PSD3: variants seen among roughly 807,000 people sequenced by gnomAD.
PSD3 encodes PH and SEC7 domain-containing protein 3.
In PSD3, 49 loss-of-function variants were observed where a neutral mutation model predicts 105.5. The observed-to-expected ratio is 0.46, with a 90% CI of 0.37 to 0.59. PSD3 has a LOEUF of 0.59. Ranked by LOEUF, PSD3 falls within the 20% of genes least tolerant of loss-of-function variation. The pLI, the probability that PSD3 is intolerant of heterozygous loss-of-function variation, is 0.00. For synonymous variants in PSD3, 557 were observed against 457.8 expected (o/e 1.22, Z -2.77); for missense variants, 1,561 against 1,263.8 (o/e 1.24, Z -3.57).
intron 15 of PSD3, among the ~76,000 whole-genome samples, chr8:18,537,016 C>G (rs1034397644): frequency 6.6e-6 from 1 of 152,164 alleles, no homozygotes; most frequent in African/African-American, 2.4e-5. Context: ...TTTTTCTAGT[C>G]AGATTGGGGT....
intron 1 of PSD3, among the ~76,000 whole-genome samples, chr8:19,066,244 A>G (rs10282800): frequency 0.018 from 2,672 of 152,330 alleles, 83 homozygotes; most frequent in African/African-American, 0.06. Context: ...ATCATTACAG[A>G]GTTTTATAAC....
intron 11 of PSD3, among the ~76,000 whole-genome samples, chr8:18,605,177 C>T (rs1804727611): frequency 6.6e-6 from 1 of 152,206 alleles, no homozygotes; most frequent in South Asian, 2.1e-4. Context: ...CGAAGGCAGT[C>T]AATGCCATCC....
At chr8:18,806,459 G>A (rs1811208637) in intron 4 of PSD3, among the ~76,000 whole-genome samples, 1 of 152,158 alleles carries the variant, frequency 6.6e-6, no homozygotes, top group South Asian at 2.1e-4. Context: ...AAACTAATGA[G>A]GATACATTAA....
chr8:18,593,161 G>T (rs1214753913), intron 12 of PSD3, among the ~76,000 whole-genome samples: 1 of 152,018 alleles, frequency 6.6e-6, no homozygotes, highest in Admixed American at 6.6e-5. Flanking sequence ...CACAGCAAAA[G>T]AAACTACCAT....
rs371473289 is a variant in PSD3 at position 18,828,067 on chromosome 8, A to ATATATATATATATATATAT, written c.1635-23170_1635-23169insATATATATATATATATATA. Among the ~76,000 whole-genome samples, 169 of 118,834 alleles carry ATATATATATATATATATAT rather than the reference A, an allele frequency of 1.4e-3. 1 individual carries two copies. Among genetic ancestry groups the ATATATATATATATATATAT allele is most frequent in the African/African-American group, 5.6e-3 (159 of 28,394 alleles). The allele number at this position is 118,834 out of a possible 152,430, so 78.0% of individuals were successfully genotyped here. ...TATATGTATATATATATATATATATATTTTTTTTTTTTTACAAAAAAAATG... is the reference window on the plus strand; with the variant it reads ...TATATGTATATATATATATATATATATATATATATATATATATATTTTTTTTTTTTTTACAAAAAAAATG... On this transcript the variant is annotated intron_variant, in intron 4 of 15. Transcript: ENST00000327040.
chr8:19,011,712 T>A (rs1019603707), intron 1 of PSD3, among the ~76,000 whole-genome samples: 2 of 152,076 alleles, frequency 1.3e-5, no homozygotes, highest in Non-Finnish European at 2.9e-5. Flanking sequence ...TCAACAAAAC[T>A]TTCTTTAAAG....
At chr8:18,884,627 A>AT (rs891209122) in intron 2 of PSD3, among the ~76,000 whole-genome samples, 5 of 142,112 alleles carry the variant, frequency 3.5e-5, no homozygotes, top group African/African-American at 1.4e-4. Context: ...TAGGAAAAAA[A>AT]TAAAAAAAAA....
At chr8:18,842,237 CTA>C (rs1322131889) in intron 4 of PSD3, among the ~76,000 whole-genome samples, 2 of 152,250 alleles carry the variant, frequency 1.3e-5, no homozygotes, top group African/African-American at 4.8e-5. Context: ...TGCGACATCA[CTA>C]TGTGAATTCC....
At chr8:18,988,012 A>T (rs1259277957) in intron 1 of PSD3, among the ~76,000 whole-genome samples, 4 of 147,932 alleles carry the variant, frequency 2.7e-5, no homozygotes, top group Admixed American at 6.8e-5. Flanking sequence ...ACCGAACAAA[A>T]CAAAGCCCTT....
intron 4 of PSD3, among the ~76,000 whole-genome samples, chr8:18,860,649 T>G (rs1816371507): frequency 6.6e-6 from 1 of 152,100 alleles, no homozygotes; most frequent in Admixed American, 6.5e-5. Flanking sequence ...AGAGAACAAT[T>G]TACTCAAGAA....
intron 12 of PSD3, among the ~76,000 whole-genome samples, chr8:18,580,637 G>A (rs543202296): frequency 1.3e-5 from 2 of 152,030 alleles, no homozygotes; most frequent in African/African-American, 2.4e-5. Flanking sequence ...TCTCTCTTCC[G>A]AGTAAGCCAG....
chr8:18,580,383 G>C (rs771338496), intron 12 of PSD3, among the ~76,000 whole-genome samples: 2 of 151,952 alleles, frequency 1.3e-5, no homozygotes, highest in African/African-American at 4.8e-5. Flanking sequence ...CCCCTGATGC[G>C]ACCCAGTAAA....
intron 15 of PSD3, among the ~76,000 whole-genome samples, chr8:18,540,025 C>T (rs1182039200): frequency 2.6e-5 from 4 of 152,074 alleles, no homozygotes; most frequent in African/African-American, 9.7e-5. Flanking sequence ...ATTAAGAATG[C>T]CAGCGTGCCC....
At chr8:18,828,385 A>T (rs1813400929) in intron 4 of PSD3, among the ~76,000 whole-genome samples, 1 of 152,102 alleles carries the variant, frequency 6.6e-6, no homozygotes, top group Non-Finnish European at 1.5e-5. Flanking sequence ...TTCAAGACTC[A>T]AGTTCATTTA....
chr8:19,007,083 C>T (rs1826715117), intron 1 of PSD3, among the ~76,000 whole-genome samples: 2 of 151,934 alleles, frequency 1.3e-5, no homozygotes, highest in African/African-American at 2.4e-5. Flanking sequence ...GGCGAAACCC[C>T]GTATCTACTA....
intron 9 of PSD3, among the ~76,000 whole-genome samples, chr8:18,720,647 A>G (rs562236699): frequency 6.6e-6 from 1 of 152,330 alleles, no homozygotes; most frequent in South Asian, 2.1e-4. Context: ...CAGTAAAATT[A>G]AAAGAAAAAT....
Position 18,683,238 on chromosome 8 carries a change from C to G in PSD3, c.2173-27553G>C, listed in dbSNP as rs1007598208. 2.6e-5 allele frequency among the ~76,000 whole-genome samples: 4 copies of G among 152,156 alleles called. No individual in the cohort carries two copies. In the South Asian group the frequency reaches 6.2e-4, roughly 24 times the overall value. On this transcript the variant is annotated intron_variant, in intron 9 of 15. Transcript: ENST00000327040. The stretch of plus-strand genomic sequence containing the variant: ...GTAAGGAACATGAAAGAAGAAATTT[C>G]TCTTCATTACATATGCCTGGGGCTA...
At chr8:18,850,563 T>G (rs961381401) in intron 4 of PSD3, among the ~76,000 whole-genome samples, 1 of 152,242 alleles carries the variant, frequency 6.6e-6, no homozygotes, top group African/African-American at 2.4e-5. Context: ...TCAGCCTCAT[T>G]ACTCACTTGT....
intron 10 of PSD3, among the ~76,000 whole-genome samples, chr8:18,637,778 C>G (rs1360895861): frequency 6.6e-6 from 1 of 151,974 alleles, no homozygotes; most frequent in African/African-American, 2.4e-5. Flanking sequence ...TATAAAAATA[C>G]AGTACTGCCA....
Sources: gnomAD v4.1 joint callset for allele counts (sites outside exome capture counted in the v4.1 genomes callset) on GRCh38, gnomAD v4.1.1 for gene constraint, MANE v1.5 for transcripts, NCBI Gene and HGNC (gene_info 2026-07-23, HGNC 2026-07-21) for gene names.